The following RXFP2 variants were observed in gnomAD, a reference collection of about 807,000 sequenced individuals.
RXFP2 encodes the protein relaxin receptor 2.
A neutral mutation model predicts 88.6 loss-of-function variants in RXFP2; 68 were observed. The observed-to-expected ratio is 0.77, with a 90% confidence interval of 0.63 to 0.94. The LOEUF is 0.94. RXFP2 is among the 40% of genes least tolerant of loss of function. The probability of loss-of-function intolerance (pLI) is 0.00; values close to 1 mark genes in which losing one functional copy is unlikely to be tolerated. For synonymous variants in RXFP2, 329 were observed against 306.8 expected, an observed-to-expected ratio of 1.07 and a Z score of -0.76; for missense variants, 791 against 893.9, an observed-to-expected ratio of 0.88 and a Z score of 1.47.
rs1566219822 is a variant in RXFP2 at position 31,761,722 on chromosome 13, A to G, written c.242-2A>G. The G allele has an allele frequency of 6.2e-6, 10 of 1,600,960 alleles. No individual in the cohort carries two copies. Among genetic ancestry groups the G allele is most frequent in the Non-Finnish European group, 8.6e-6 (10 of 1,168,300 alleles). On this transcript the variant is annotated splice_acceptor_variant, in intron 2 of 17. Coordinates refer to ENST00000298386, the MANE Select transcript of RXFP2 (RefSeq NM_130806.5). LOFTEE classifies it high-confidence loss of function. ...TGACACATCTCAATCACTATTTCAC[A>G]GGTGACACTAGTGGATGGGCGACCA...
chr13:31,758,427 C>G, intron 2 of RXFP2, 23 bp downstream of exon 2: 1 of 1,613,426 alleles, frequency 6.2e-7, no homozygotes, highest in Non-Finnish European at 8.5e-7. Flanking sequence ...CTCGGCTCCC[C>G]ATGTGTGCCT....
At chr13:31,759,848 C>T (rs574680688) in intron 2 of RXFP2, among the ~76,000 whole-genome samples, 37 of 152,168 alleles carry the variant, frequency 2.4e-4, no homozygotes, top group East Asian at 1.9e-4. Flanking sequence ...GGTACTCAGG[C>T]GTGCCTCCCT....
intron 1 of RXFP2, among the ~76,000 whole-genome samples, chr13:31,746,979 T>C (rs958483417): frequency 6.6e-6 from 1 of 152,230 alleles, no homozygotes; most frequent in Non-Finnish European, 1.5e-5. Context: ...TAATCTACAC[T>C]GAGTGTTACA....
chr13:31,752,551 AAAC>A (rs66623566), intron 1 of RXFP2, among the ~76,000 whole-genome samples: 48,656 of 151,720 alleles, frequency 0.32, 8,777 homozygotes, highest in Admixed American at 0.43. Flanking sequence ...CAAGTTTGGA[AAAC>A]AACAACAACA....
chr13:31,793,932 A>G (rs1359205160), intron 16 of RXFP2, among the ~76,000 whole-genome samples: 1 of 151,942 alleles, frequency 6.6e-6, no homozygotes, highest in East Asian at 1.9e-4. Context: ...CTGAATTATT[A>G]CCTTATCCCT....
chr13:31,740,222 G>A (rs1164465370), intron 1 of RXFP2, among the ~76,000 whole-genome samples: 2 of 151,994 alleles, frequency 1.3e-5, no homozygotes, highest in Non-Finnish European at 2.9e-5. Flanking sequence ...CTATACAAGT[G>A]CATTTACTTA....
intron 1 of RXFP2, among the ~76,000 whole-genome samples, chr13:31,755,379 A>G (rs1871893877): frequency 6.6e-6 from 1 of 151,976 alleles, no homozygotes. Context: ...CATTATGTGG[A>G]TGTGGGTGTG....
chr13:31,755,250 G>T (rs1418464489), intron 1 of RXFP2, among the ~76,000 whole-genome samples: 1 of 152,136 alleles, frequency 6.6e-6, no homozygotes, highest in Non-Finnish European at 1.5e-5. Flanking sequence ...CCCATTAGGG[G>T]ATCATGAAAT....
chr13:31,801,238 T>G (rs901946346), intron 17 of RXFP2, among the ~76,000 whole-genome samples: 2 of 152,016 alleles, frequency 1.3e-5, no homozygotes, highest in Non-Finnish European at 2.9e-5. Flanking sequence ...GGGAGTTCCT[T>G]GAAATTGTGA....
chr13:31,789,010 T>C (rs1470770721), intron 13 of RXFP2, 112 bp from the exon 14 acceptor site: 10 of 749,668 alleles, frequency 1.3e-5, no homozygotes, highest in Non-Finnish European at 1.9e-5. Flanking sequence ...TTCATTCTAA[T>C]CTGCATTGGT....
At chr13:31,759,182 G>A (rs1422244271) in intron 2 of RXFP2, among the ~76,000 whole-genome samples, 2 of 151,842 alleles carry the variant, frequency 1.3e-5, no homozygotes, top group African/African-American at 4.8e-5. Context: ...AGGGAGACAA[G>A]TGTCTTGACC....
chr13:31,803,258 A>C lies in RXFP2; in HGVS notation c.*853A>C, dbSNP rs952488071. On this transcript the variant is annotated 3_prime_UTR_variant, in exon 18 of 18. Transcript: ENST00000298386. ...TATGGTTTTATTTGGGACTGTTTGC[A>C]TACTCACAATGGTTTTGTTCTCATT... The C allele has an allele frequency of 1.3e-5, 2 of 152,246 alleles. No individual in the cohort carries two copies. The highest frequency in any genetic ancestry group is 4.8e-5 in the African/African-American group (2 of 41,466). 9.4% of individuals were successfully genotyped at this position (152,246 alleles called of 1,614,324 possible).
intron 14 of RXFP2, among the ~76,000 whole-genome samples, chr13:31,789,968 A>T (rs61946589): frequency 0.026 from 4,028 of 152,260 alleles, 92 homozygotes; most frequent in South Asian, 0.061. Context: ...GCACTATTAG[A>T]TAAATGTTTA....
intron 3 of RXFP2, 60 bp from the exon 4 acceptor site, chr13:31,764,977 G>A (rs1872481193): frequency 5.4e-6 from 5 of 923,622 alleles, no homozygotes; most frequent in East Asian, 2.4e-5. Context: ...GTTATTAAAG[G>A]CAAAGTCATA....
At chr13:31,767,825 A>T (rs1872603388) in intron 5 of RXFP2, among the ~76,000 whole-genome samples, 1 of 152,198 alleles carries the variant, frequency 6.6e-6, no homozygotes, top group African/African-American at 2.4e-5. Context: ...AATTTCTACC[A>T]GCACAGACTG....
chr13:31,747,997 T>C (rs1871498253), intron 1 of RXFP2, among the ~76,000 whole-genome samples: 1 of 152,210 alleles, frequency 6.6e-6, no homozygotes, highest in Non-Finnish European at 1.5e-5. Flanking sequence ...TACAAGATAA[T>C]TGTAAAAAGT....
Position 31,797,405 on chromosome 13 carries a change from G to A in RXFP2, c.1991G>A (p.Arg664Gln), listed in dbSNP as rs772455936. 66 of 1,613,094 alleles carry A rather than the reference G, an allele frequency of 4.1e-5. No homozygotes were observed. The highest frequency in any genetic ancestry group is 2.2e-4 in the Admixed American group (13 of 59,998). Reference protein sequence around the residue: ...VFVVKILSLFRVEIPDTMTSW... With the variant: ...VFVVKILSLFQVEIPDTMTSW... The stretch of plus-strand genomic sequence containing the variant: ...GTAGTTAAAATCCTTTCCCTCTTCC[G>A]GGTGGAAATACCAGGTCAGTCTCTT... Residue 664 changes from arginine to glutamine, a missense_variant, in exon 17 of 18, where the codon CGG becomes CAG. Transcript: ENST00000298386.
At chr13:31,782,591 T>C (rs1873335405) in intron 10 of RXFP2, 85 bp from the exon 11 acceptor site, 2 of 980,954 alleles carry the variant, frequency 2.0e-6, no homozygotes, top group Non-Finnish European at 3.3e-6. Context: ...TATAAAATTC[T>C]GCCTGGATCA....
intron 1 of RXFP2, among the ~76,000 whole-genome samples, chr13:31,745,169 A>G (rs1805467321): frequency 7.1e-6 from 1 of 140,540 alleles, no homozygotes; most frequent in African/African-American, 2.6e-5. Context: ...GACTCCATCT[A>G]AAAAAAAAAA....
Sources: gnomAD v4.1 joint callset for allele counts (sites outside exome capture counted in the v4.1 genomes callset) on GRCh38, gnomAD v4.1.1 for gene constraint, MANE v1.5 for transcripts, NCBI Gene and HGNC (gene_info 2026-07-23, HGNC 2026-07-21) for gene names.